Variants in MORC4 observed in about 807,000 individuals in gnomAD.
MORC4 encodes MORC family CW-type zinc finger 4, also known as MORC family CW-type zinc finger protein 4.
A neutral mutation model predicts 65.5 loss-of-function variants in MORC4; 22 were observed. That is an observed-to-expected ratio of 0.34 (90% CI 0.24 to 0.48). The LOEUF (loss-of-function observed/expected upper bound fraction) is 0.48. Ranked by LOEUF, MORC4 falls within the 20% of genes least tolerant of loss-of-function variation. The pLI, the probability that MORC4 is intolerant of heterozygous loss-of-function variation, is 0.99. For synonymous variants in MORC4, 267 were observed against 255.8 expected, an observed-to-expected ratio of 1.04 and a Z score of -0.42; for missense variants, 624 against 703.0, an observed-to-expected ratio of 0.89 and a Z score of 1.27.
At chrX:106,949,813 T>C (rs1933931161) in intron 14 of MORC4, among the ~76,000 whole-genome samples, 1 of 112,438 alleles carries the variant, frequency 8.9e-6, no homozygotes, top group South Asian at 3.7e-4. Context: ...AAGAGTATGC[T>C]TCTGTCCCAC....
At chrX:106,986,672 T>C (rs1405617213) in intron 3 of MORC4, among the ~76,000 whole-genome samples, 1 of 111,938 alleles carries the variant, frequency 8.9e-6, no homozygotes, top group Non-Finnish European at 1.9e-5. Context: ...AACCTGTTTA[T>C]ATCATCCTCT....
At chrX:106,943,535 A>C (rs1463457438) in intron 14 of MORC4, among the ~76,000 whole-genome samples, 2 of 112,006 alleles carry the variant, frequency 1.8e-5, no homozygotes, top group East Asian at 5.6e-4. Context: ...AGGGAAGACA[A>C]AGAAAAAACA....
At chrX:106,978,778 G>A (rs894241114) in intron 7 of MORC4, among the ~76,000 whole-genome samples, 17 of 111,624 alleles carry the variant, frequency 1.5e-4, no homozygotes, top group Non-Finnish European at 2.7e-4. Context: ...GATAAGAGCT[G>A]TAAATGGTCC....
chrX:106,968,140 G>C (rs1934417732), intron 9 of MORC4, among the ~76,000 whole-genome samples: 1 of 111,957 alleles, frequency 8.9e-6, no homozygotes, highest in Non-Finnish European at 1.9e-5. Context: ...CTATAAGCCA[G>C]AAGAGAGTAG....
chrX:106,960,465 G>A (rs1297893044), intron 10 of MORC4, among the ~76,000 whole-genome samples: 3 of 111,611 alleles, frequency 2.7e-5, no homozygotes, highest in Non-Finnish European at 5.6e-5. Context: ...ACCTATATTT[G>A]AACCTTAGTT....
At chrX:106,995,673 G>A (rs1208460427) in intron 2 of MORC4, among the ~76,000 whole-genome samples, 2 of 111,892 alleles carry the variant, frequency 1.8e-5, no homozygotes, top group Non-Finnish European at 3.8e-5. Context: ...AATCTTTAAG[G>A]ACCAGGTTGG....
At chrX:106,982,844 T>C (rs1934779566) in intron 5 of MORC4, among the ~76,000 whole-genome samples, 1 of 112,241 alleles carries the variant, frequency 8.9e-6, no homozygotes, top group African/African-American at 3.2e-5. Flanking sequence ...CACATTAGTA[T>C]ATTAAAGGAC....
At chrX:106,994,715 A>G (rs1039234719) in intron 2 of MORC4, among the ~76,000 whole-genome samples, 19 of 112,104 alleles carry the variant, frequency 1.7e-4, no homozygotes, top group Non-Finnish European at 3.4e-4. Flanking sequence ...ACGTCTTAAC[A>G]GTAGTACAGC....
intron 3 of MORC4, among the ~76,000 whole-genome samples, chrX:106,987,404 T>C (rs1447318559): frequency 8.9e-6 from 1 of 112,100 alleles, no homozygotes; most frequent in Non-Finnish European, 1.9e-5. Context: ...GATTGACTAA[T>C]TTTACAATGT....
intron 14 of MORC4, among the ~76,000 whole-genome samples, chrX:106,945,253 A>C (rs771693653): frequency 1.6e-4 from 18 of 111,333 alleles, no homozygotes; most frequent in Admixed American, 2.9e-4. Context: ...CCCCAGCTTT[A>C]TCTCTCATTA....
rs767288429 is a variant in MORC4 at position 106,942,462 on chromosome X, G to A, written c.2376+53C>T. On this transcript the variant is annotated intron_variant, in intron 15 of 16. Transcript: ENST00000355610. Reference sequence around the variant, plus strand: ...TAAATAATCAGGGCACCAATGTCCCGCTCCCTTGGTTACTATGGTCTCTTA... The same window carrying A: ...TAAATAATCAGGGCACCAATGTCCCACTCCCTTGGTTACTATGGTCTCTTA... The A allele has an allele frequency of 8.0e-5, 86 of 1,076,453 alleles. No individual in the cohort carries two copies. The African/African-American group carries it at 1.2e-3, about 15-fold the overall frequency. 88.7% of individuals were successfully genotyped at this position (1,076,453 alleles called of 1,213,427 possible).
intron 9 of MORC4, among the ~76,000 whole-genome samples, chrX:106,963,424 A>G (rs931839209): frequency 3.6e-5 from 4 of 111,665 alleles, no homozygotes; most frequent in African/African-American, 1.3e-4. Flanking sequence ...CCCATTCCCC[A>G]CTCCCAGCCC....
At chrX:106,943,269 T>C in intron 14 of MORC4, 64 bp from the exon 15 acceptor site, 1 of 921,555 alleles carries the variant, frequency 1.1e-6, no homozygotes, top group Non-Finnish European at 1.5e-6. Flanking sequence ...TCTGATCCTA[T>C]GGAGCCCCAA....
At chrX:106,970,138 T>C (rs932472811) in intron 9 of MORC4, among the ~76,000 whole-genome samples, 3 of 111,989 alleles carry the variant, frequency 2.7e-5, no homozygotes, top group Non-Finnish European at 5.6e-5. Flanking sequence ...CACAATCAAG[T>C]TGGCTTCATC....
intron 5 of MORC4, among the ~76,000 whole-genome samples, chrX:106,984,706 A>G (rs182703499): frequency 1.5e-4 from 16 of 108,218 alleles, no homozygotes; most frequent in Admixed American, 1.5e-3. Context: ...CGATCTCTCA[A>G]CCTCATGATC....
At chrX:106,948,788 A>G (rs2147804509) in intron 14 of MORC4, among the ~76,000 whole-genome samples, 1 of 111,489 alleles carries the variant, frequency 9.0e-6, no homozygotes, top group African/African-American at 3.3e-5. Context: ...TTTTCTCATG[A>G]GAAGTCATCA....
At chrX:106,959,035 C>G (rs1266661315) in intron 10 of MORC4, among the ~76,000 whole-genome samples, 2 of 111,701 alleles carry the variant, frequency 1.8e-5, no homozygotes, top group Non-Finnish European at 1.9e-5. Flanking sequence ...CAAGAAAAAC[C>G]CTTTGCTTAT....
At chrX:106,997,745 A>G (rs989958430) in intron 2 of MORC4, among the ~76,000 whole-genome samples, 9 of 111,451 alleles carry the variant, frequency 8.1e-5, no homozygotes, top group Non-Finnish European at 1.1e-4. Context: ...AACTCCACTC[A>G]ATATTCTTCA....
At chrX:106,954,161 G>C (rs1934043590) in intron 14 of MORC4, among the ~76,000 whole-genome samples, 1 of 112,508 alleles carries the variant, frequency 8.9e-6, no homozygotes, top group African/African-American at 3.2e-5. Context: ...TACTATTAGA[G>C]AGCAACCTTG....
Sources: gnomAD v4.1 joint callset for allele counts (sites outside exome capture counted in the v4.1 genomes callset) on GRCh38, gnomAD v4.1.1 for gene constraint, MANE v1.5 for transcripts, NCBI Gene and HGNC (gene_info 2026-07-23, HGNC 2026-07-21) for gene names.